The following SLC2A5 variants were observed in gnomAD, a reference collection of about 807,000 sequenced individuals.
The protein encoded by SLC2A5 is solute carrier family 2, facilitated glucose transporter member 5.
Under a neutral mutation model 50.3 loss-of-function variants are expected in SLC2A5, and 56 were observed. That is an observed-to-expected ratio of 1.11 (90% CI 0.90 to 1.39). The LOEUF is 1.39. SLC2A5 is among the 40% of genes most tolerant of loss of function. The probability of loss-of-function intolerance (pLI) is 0.00; values close to 1 mark genes in which losing one functional copy is unlikely to be tolerated. For synonymous variants in SLC2A5, 269 were observed against 281.9 expected, an observed-to-expected ratio of 0.95 and a Z score of 0.46; for missense variants, 566 against 650.1, an observed-to-expected ratio of 0.87 and a Z score of 1.41.
intron 2 of SLC2A5, among the ~76,000 whole-genome samples, chr1:9,083,863 G>A (rs1237371897): frequency 1.3e-5 from 2 of 150,472 alleles, no homozygotes; most frequent in East Asian, 2.0e-4. Context: ...TACTAAACCC[G>A]GCCAGGCACG....
intron 3 of SLC2A5, 96 bp downstream of exon 3, chr1:9,057,352 C>G: frequency 1.8e-6 from 1 of 542,370 alleles, no homozygotes; most frequent in Non-Finnish European, 3.1e-6. Flanking sequence ...TGGTTATTAT[C>G]TTAGTCTCAT....
intron 4 of SLC2A5, 142 bp from the exon 5 acceptor site, chr1:9,042,079 T>C: frequency 8.2e-7 from 1 of 1,217,726 alleles, no homozygotes; most frequent in Non-Finnish European, 1.1e-6. Context: ...AAACACCTCT[T>C]TTAATTCTTA....
In SLC2A5 at chr1:9,040,392, C is replaced by T. The variant is rs1167222523; in HGVS notation, c.572-203G>A. ...AGGGATCAGCAGCGACGCACCCCTG[C>T]GCCCATCAGACAGACCACACCGACG... On this transcript the variant is annotated intron_variant, in intron 5 of 11. Coordinates refer to ENST00000377424, the MANE Select transcript of SLC2A5 (RefSeq NM_003039.3). This position sits in a 1 kb window ranked among gnomAD's most constrained non-coding sequence, Gnocchi z 4.3. 3 of 622,160 alleles carry T rather than the reference C, an allele frequency of 4.8e-6. No homozygotes were observed. The highest frequency in any genetic ancestry group is 2.0e-5 in the South Asian group (1 of 50,784). The allele number at this position is 622,160 out of a possible 1,614,324, so 38.5% of individuals were successfully genotyped here.
chr1:9,059,136 C>CTTTTT (rs869052429), intron 1 of SLC2A5, among the ~76,000 whole-genome samples: 51 of 53,912 alleles, frequency 9.5e-4, no homozygotes, highest in South Asian at 2.2e-3. Context: ...GCCTTTCTTT[C>CTTTTT]TTTTTTTTTT....
chr1:9,044,326 A>T (rs936028727), intron 4 of SLC2A5, among the ~76,000 whole-genome samples: 1 of 151,748 alleles, frequency 6.6e-6, no homozygotes, highest in Non-Finnish European at 1.5e-5. Context: ...GCAAGAGTCC[A>T]TCTCAAACAA....
chr1:9,070,836 C>G (rs1009383595), upstream of SLC2A5, among the ~76,000 whole-genome samples: 1 of 149,960 alleles, frequency 6.7e-6, no homozygotes, highest in Non-Finnish European at 1.5e-5. Context: ...GCGTGGCCGT[C>G]TGTGTGTGTG....
intron 3 of SLC2A5, chr1:9,049,331 A>G: frequency 2.6e-6 from 1 of 382,522 alleles, no homozygotes; most frequent in African/African-American, 2.1e-5. Context: ...GTCATAAAAT[A>G]AGGAATCCAA....
rs377102537 is a variant in SLC2A5 at position 9,048,245 on chromosome 1, A to C, written c.294-511T>G. Among the ~76,000 whole-genome samples the C allele has an allele frequency of 7.9e-5, 12 of 152,344 alleles. No homozygotes were observed. In the East Asian group the frequency reaches 1.7e-3, roughly 22 times the overall value. ...ATATTGGGGCCAGGCATGGTGGCTC[A>C]CGCCTGTAATCCCAGCACTTTGGGA... is the stretch of plus-strand genomic sequence containing the variant. On this transcript the variant is annotated intron_variant, in intron 3 of 11. Coordinates refer to ENST00000377424, the MANE Select transcript of SLC2A5 (RefSeq NM_003039.3).
Position 9,040,134 on chromosome 1 carries a change from C to A in SLC2A5, c.627G>T (p.Leu209=). 1 of 1,592,286 alleles carries A rather than the reference C, an allele frequency of 6.3e-7. No individual in the cohort carries two copies. ...TGVPAALQLL[L]LPFFPESPRY... ...TGGGGCTCTCGGGGAAGAAGGGCAG[C>A]AGAAGGAGCTGCAGCGCCGCGGGGA... Residue 209 remains leucine (L), a synonymous_variant, in exon 6 of 12, where the codon CTG becomes CTT. Coordinates refer to ENST00000377424, the MANE Select transcript of SLC2A5 (RefSeq NM_003039.3). The surrounding 1 kb of genome is among the most constrained non-coding windows in gnomAD (Gnocchi z 4.3).
At chr1:9,078,090 G>A (rs887851090) in intron 2 of SLC2A5, among the ~76,000 whole-genome samples, 3 of 152,174 alleles carry the variant, frequency 2.0e-5, no homozygotes, top group African/African-American at 7.2e-5. Context: ...GTTCCCCGGA[G>A]CTGAGGGCTC....
intron 3 of SLC2A5, among the ~76,000 whole-genome samples, chr1:9,054,752 C>T (rs1641708531): frequency 6.6e-6 from 1 of 152,018 alleles, no homozygotes; most frequent in Admixed American, 6.6e-5. Context: ...TAGTGAGACC[C>T]TGTCTCTACA....
chr1:9,068,449 CTTT>C (rs34032446), intron 1 of SLC2A5, among the ~76,000 whole-genome samples: 36 of 117,374 alleles, frequency 3.1e-4, no homozygotes, highest in South Asian at 8.6e-4. Context: ...CAGGCCCACT[CTTT>C]TTTTTTTTTT....
At chr1:9,058,372 T>C (rs574428595) in intron 1 of SLC2A5, 122 bp from the exon 2 acceptor site, 1 of 704,386 alleles carries the variant, frequency 1.4e-6, no homozygotes, top group East Asian at 2.9e-5. Flanking sequence ...GACTACTCCA[T>C]TCCTTGAAAC....
rs756290048 is a variant in SLC2A5, at chr1:9,040,234, C to T, written c.572-45G>A. 2.0e-6 allele frequency: 3 copies of T among 1,532,206 alleles called. No individual in the cohort carries two copies. The highest frequency in any genetic ancestry group is 2.4e-5 in the South Asian group (2 of 82,736). The allele number at this position is 1,532,206 out of a possible 1,614,324, so 94.9% of individuals were successfully genotyped here. A position where few individuals can be genotyped will look rare whatever the true frequency, so the allele number is the denominator to read the frequency against. ...CTGGCACCAGCGGCCTCCCCACCAC[C>T]CCGAAGGCGCCCTCTGCAGAGCCGG... On this transcript the variant is annotated intron_variant, in intron 5 of 11. Coordinates refer to ENST00000377424, the MANE Select transcript of SLC2A5 (RefSeq NM_003039.3). The surrounding 1 kb of genome is among the most constrained non-coding windows in gnomAD (Gnocchi z 4.3).
chr1:9,064,392 C>G (rs1013773039), intron 1 of SLC2A5, among the ~76,000 whole-genome samples: 2 of 152,012 alleles, frequency 1.3e-5, no homozygotes, highest in Admixed American at 6.6e-5. Context: ...CAGCCGTGAC[C>G]GGGAGGGTCT....
At position 9,037,465 on chromosome 1, in the gene SLC2A5, G is replaced by T; in HGVS notation, c.*121C>A. ...ACTGGGGTGGGGAGGCTGGAGATGA[G>T]GACTGCATTCCACATCAGAGTTGTT... is the stretch of plus-strand genomic sequence containing the variant. On this transcript the variant is annotated 3_prime_UTR_variant, in exon 12 of 12. Transcript: ENST00000377424. The T allele has an allele frequency of 3.6e-6, 3 of 822,082 alleles. No homozygotes were observed. The South Asian group carries it at 4.7e-5, about 13-fold the overall frequency. The allele number at this position is 822,082 out of a possible 1,614,324, so 50.9% of individuals were successfully genotyped here. A position where few individuals can be genotyped will look rare whatever the true frequency, so the allele number is the denominator to read the frequency against.
chr1:9,053,089 AATATATAT>A (rs1557669806), intron 3 of SLC2A5, among the ~76,000 whole-genome samples: 2 of 115,374 alleles, frequency 1.7e-5, no homozygotes, highest in African/African-American at 6.8e-5. Context: ...ATTAATATAT[AATATATAT>A]TTATATATAA....
intron 1 of SLC2A5, among the ~76,000 whole-genome samples, chr1:9,067,717 C>T (rs1036927460): frequency 2.0e-5 from 3 of 152,134 alleles, no homozygotes; most frequent in Non-Finnish European, 2.9e-5. Context: ...TCTGCCCTCT[C>T]GGGGACATCG....
chr1:9,091,290 T>C (rs923208734), upstream of SLC2A5, among the ~76,000 whole-genome samples: 2 of 152,196 alleles, frequency 1.3e-5, no homozygotes, highest in Non-Finnish European at 2.9e-5. Flanking sequence ...TAAGACCTTT[T>C]CATCTATATT....
Sources: allele counts gnomAD v4.1 joint callset (sites outside exome capture counted in the v4.1 genomes callset), GRCh38; gene constraint gnomAD v4.1.1; non-coding constraint Gnocchi (gnomAD v3.1); transcripts MANE v1.5; gene names NCBI Gene and HGNC (gene_info 2026-07-23, HGNC 2026-07-21).